CIMIP4: variants seen among roughly 807,000 people sequenced by gnomAD.
CIMIP4 encodes the protein protein EAN57.
the CIMIP4 span, among the ~76,000 whole-genome samples, chr22:36,998,274 T>C: frequency 6.6e-6 from 1 of 152,168 alleles, no homozygotes; most frequent in Non-Finnish European, 1.5e-5. Flanking sequence ...CAAGCAGAAC[T>C]GTATTCTCGC....
chr22:37,001,325 G>A, the CIMIP4 span, among the ~76,000 whole-genome samples: 1 of 151,862 alleles, frequency 6.6e-6, no homozygotes, highest in Non-Finnish European at 1.5e-5. Context: ...CTGAAGCCCA[G>A]AGAGGGTAAG....
the CIMIP4 span, chr22:37,002,054 C>T: frequency 6.2e-7 from 1 of 1,609,376 alleles, no homozygotes; most frequent in Admixed American, 1.7e-5. Flanking sequence ...CTTCAGGGAC[C>T]TGGACTGTGG....
chr22:37,001,873 C>G, the CIMIP4 span: 1 of 1,608,002 alleles, frequency 6.2e-7, no homozygotes, highest in South Asian at 1.1e-5. Context: ...CCACATTGCT[C>G]CCAAACTTGT....
At chr22:37,002,532 C>G in the CIMIP4 span, among the ~76,000 whole-genome samples, 1 of 151,920 alleles carries the variant, frequency 6.6e-6, no homozygotes. Flanking sequence ...GGCCAGCCTG[C>G]GTGCCTCCCA....
the CIMIP4 span, among the ~76,000 whole-genome samples, chr22:36,991,820 T>G: frequency 6.6e-6 from 1 of 151,058 alleles, no homozygotes; most frequent in East Asian, 1.9e-4. Flanking sequence ...TGTCTTCAAC[T>G]ATACCAAGAA....
the CIMIP4 span, chr22:37,001,953 A>C: frequency 3.1e-6 from 5 of 1,613,782 alleles, no homozygotes. Context: ...TGAGCCCCCA[A>C]GCTGGGACCG....
chr22:36,991,321 C>T, the CIMIP4 span: 1 of 1,607,068 alleles, frequency 6.2e-7, no homozygotes, highest in Non-Finnish European at 8.5e-7. Flanking sequence ...GATCATCTGG[C>T]AGTCTCTGGA....
the CIMIP4 span, among the ~76,000 whole-genome samples, chr22:36,994,028 G>A: frequency 6.6e-6 from 1 of 152,098 alleles, no homozygotes; most frequent in Admixed American, 6.6e-5. Context: ...ATAGACTGTA[G>A]GGCAACGGCA....
At chr22:36,991,283 C>T in the CIMIP4 span, 13 of 1,613,914 alleles carry the variant, frequency 8.1e-6, no homozygotes, top group South Asian at 6.6e-5. Context: ...CGCCCTACAG[C>T]GAGCAGGAGA....
chr22:37,001,529 G>A, the CIMIP4 span, among the ~76,000 whole-genome samples: 1 of 152,106 alleles, frequency 6.6e-6, no homozygotes, highest in South Asian at 2.1e-4. Context: ...AGAATCTGCC[G>A]ACCCAGTTTG....
the CIMIP4 span, among the ~76,000 whole-genome samples, chr22:37,004,586 G>C: frequency 2.1e-4 from 32 of 152,182 alleles, no homozygotes; most frequent in Non-Finnish European, 4.1e-4. Context: ...ACTTTGCTCT[G>C]GTGTAAACTC....
chr22:37,001,957 G>A, the CIMIP4 span: 1 of 1,613,930 alleles, frequency 6.2e-7, no homozygotes, highest in Non-Finnish European at 8.5e-7. Flanking sequence ...CCCCCAAGCT[G>A]GGACCGTCAT....
chr22:36,999,871 G>A, the CIMIP4 span: 137 of 1,613,732 alleles, frequency 8.5e-5, no homozygotes, highest in African/African-American at 1.6e-4. Flanking sequence ...TGTTGTAGCC[G>A]AGGTCATAGT....
At chr22:37,000,754 A>T in the CIMIP4 span, among the ~76,000 whole-genome samples, 3 of 152,212 alleles carry the variant, frequency 2.0e-5, no homozygotes, top group Non-Finnish European at 4.4e-5. Context: ...GAAGAGAGAA[A>T]GGACTTCTCC....
the CIMIP4 span, among the ~76,000 whole-genome samples, chr22:36,997,799 C>T: frequency 3.3e-5 from 5 of 152,228 alleles, no homozygotes; most frequent in East Asian, 5.8e-4. Flanking sequence ...AGCCTGTTTC[C>T]TCTGATGTCT....
the CIMIP4 span, among the ~76,000 whole-genome samples, chr22:37,006,240 T>C: frequency 6.6e-6 from 1 of 151,986 alleles, no homozygotes; most frequent in East Asian, 1.9e-4. Flanking sequence ...AAAGATACCA[T>C]TGAACAAAAA....
the CIMIP4 span, among the ~76,000 whole-genome samples, chr22:36,994,109 A>C: frequency 6.6e-6 from 1 of 152,200 alleles, no homozygotes; most frequent in Non-Finnish European, 1.5e-5. Flanking sequence ...CATTGAAATA[A>C]TCTCAAAATA....
the CIMIP4 span, among the ~76,000 whole-genome samples, chr22:37,005,981 C>G: frequency 6.6e-6 from 1 of 152,010 alleles, no homozygotes; most frequent in Non-Finnish European, 1.5e-5. Context: ...TCAGAAAGAT[C>G]AAAGGATGAG....
chr22:37,001,375 A>G, the CIMIP4 span, among the ~76,000 whole-genome samples: 1 of 152,110 alleles, frequency 6.6e-6, no homozygotes, highest in Non-Finnish European at 1.5e-5. Flanking sequence ...GATCAGGTCC[A>G]GGATTCAAAC....
Sources: allele counts gnomAD v4.1 joint callset (sites outside exome capture counted in the v4.1 genomes callset), GRCh38; gene constraint gnomAD v4.1.1; transcripts MANE v1.5; gene names NCBI Gene and HGNC (gene_info 2026-07-23, HGNC 2026-07-21).